The following USP34 variants were observed in gnomAD, a reference collection of about 807,000 sequenced individuals.
USP34 encodes the protein ubiquitin specific peptidase 34, also known as ubiquitin carboxyl-terminal hydrolase 34.
USP34 carries 70 observed loss-of-function variants against 460.3 expected under a neutral mutation model. That is an observed-to-expected ratio of 0.15 (90% confidence interval 0.13 to 0.19). USP34 has a LOEUF of 0.19. Ranked by LOEUF, USP34 falls within the 10% of genes least tolerant of loss-of-function variation. The pLI, the probability that USP34 is intolerant of heterozygous loss-of-function variation, is 1.00. For synonymous variants in USP34, 1,647 were observed against 1,405.3 expected (o/e 1.17, Z -3.85); for missense variants, 3,985 against 4,236.2 (o/e 0.94, Z 1.65).
rs70963432 is a variant in USP34, at chr2:61,451,220, C to CAAA, written c.43+19427_43+19429dup. Among the ~76,000 whole-genome samples the CAAA allele has an allele frequency of 8.3e-3, 421 of 50,752 alleles. 59 individuals are homozygous for CAAA. Among genetic ancestry groups the CAAA allele is most frequent in the African/African-American group, 0.04 (393 of 9,910 alleles). The allele number at this position is 50,752 out of a possible 152,430, so 33.3% of individuals were successfully genotyped here. ...CAGGTGACAGTGTGAGGCTTCATCTCAAAAAAAAAAAAAAAAAAAAAAAAA... is the reference window on the plus strand; with the variant it reads ...CAGGTGACAGTGTGAGGCTTCATCTCAAAAAAAAAAAAAAAAAAAAAAAAAAAA... On this transcript the variant is annotated intron_variant, in intron 1 of 79. Transcript: ENST00000398571.
chr2:61,299,905 A>C (rs1395599304), intron 29 of USP34, among the ~76,000 whole-genome samples: 1 of 152,164 alleles, frequency 6.6e-6, no homozygotes, highest in African/African-American at 2.4e-5. Flanking sequence ...GCATCTATCT[A>C]TCCTTCAGCT....
intron 1 of USP34, among the ~76,000 whole-genome samples, chr2:61,453,175 C>T (rs1283870665): frequency 6.6e-6 from 1 of 152,080 alleles, no homozygotes; most frequent in Non-Finnish European, 1.5e-5. Flanking sequence ...CTTAGGGAGG[C>T]CGAAGCGGGT....
intron 2 of USP34, among the ~76,000 whole-genome samples, chr2:61,419,059 G>A (rs746959913): frequency 6.6e-6 from 1 of 152,110 alleles, no homozygotes; most frequent in Non-Finnish European, 1.5e-5. Flanking sequence ...GACAGTAGTA[G>A]CTTTATTATT....
intron 10 of USP34, among the ~76,000 whole-genome samples, chr2:61,369,642 C>CAAAAAA (rs57947331): frequency 1.0e-3 from 44 of 43,410 alleles, no homozygotes; most frequent in African/African-American, 1.2e-3. Flanking sequence ...GATTCCGTCT[C>CAAAAAA]AAAAAAAAAA....
At chr2:61,465,871 G>A (rs1317211858) in intron 1 of USP34, among the ~76,000 whole-genome samples, 2 of 152,002 alleles carry the variant, frequency 1.3e-5, no homozygotes, top group Non-Finnish European at 2.9e-5. Flanking sequence ...CAGCTCCTCG[G>A]GAAGCTGAGT....
At chr2:61,269,477 A>G (rs1689150583) in intron 41 of USP34, among the ~76,000 whole-genome samples, 1 of 152,068 alleles carries the variant, frequency 6.6e-6, no homozygotes, top group South Asian at 2.1e-4. Flanking sequence ...GAGATGAATA[A>G]AAGTTGCTAC....
At chr2:61,384,128 C>G (rs1693062377) in intron 5 of USP34, among the ~76,000 whole-genome samples, 1 of 152,092 alleles carries the variant, frequency 6.6e-6, no homozygotes, top group Non-Finnish European at 1.5e-5. Flanking sequence ...CAGTCACACA[C>G]TGATTACAAT....
chr2:61,288,615 T>G, intron 34 of USP34, 62 bp downstream of exon 34: 1 of 1,533,922 alleles, frequency 6.5e-7, no homozygotes, highest in Non-Finnish European at 9.0e-7. Flanking sequence ...AGCATTAGCA[T>G]ATTTCTTCAG....
intron 39 of USP34, among the ~76,000 whole-genome samples, chr2:61,279,960 C>A (rs1689486073): frequency 6.6e-6 from 1 of 152,188 alleles, no homozygotes; most frequent in African/African-American, 2.4e-5. Context: ...TTAAAATCTA[C>A]ATTTCCCTTT....
chr2:61,300,840 A>T, intron 29 of USP34, 111 bp downstream of exon 29: 1 of 662,086 alleles, frequency 1.5e-6, no homozygotes, highest in Non-Finnish European at 2.2e-6. Flanking sequence ...AAAAAAGGAG[A>T]GAAAATTATT....
At chr2:61,223,877 T>C (rs975510100) in intron 62 of USP34, among the ~76,000 whole-genome samples, 1 of 152,142 alleles carries the variant, frequency 6.6e-6, no homozygotes, top group African/African-American at 2.4e-5. Context: ...AAAAACAGAA[T>C]AGTACAAGTA....
chr2:61,278,524 T>C, intron 39 of USP34, 81 bp from the exon 40 acceptor site: 2 of 1,101,498 alleles, frequency 1.8e-6, no homozygotes, highest in African/African-American at 1.6e-5. Flanking sequence ...ATCATTTCCT[T>C]ATAGGTAACA....
At chr2:61,195,960 A>G (rs957638727) in intron 75 of USP34, among the ~76,000 whole-genome samples, 27 of 150,788 alleles carry the variant, frequency 1.8e-4, no homozygotes, top group Admixed American at 3.3e-4. Flanking sequence ...ACGCTGGAGG[A>G]CAGTGGCACG....
chr2:61,380,334 C>T lies in USP34; in HGVS notation c.849G>A (p.Glu283=), dbSNP rs754366687. The T allele has an allele frequency of 3.2e-4, 516 of 1,610,564 alleles. 2 individuals are homozygous for T. The highest frequency in any genetic ancestry group is 3.3e-4 in the South Asian group (30 of 90,606). The change falls in exon 7 of 80, where the codon GAG becomes GAA. Residue 283 remains glutamate (E), a synonymous_variant. Transcript: ENST00000398571. ...TGTTACGAGCTGCACTCTGTCGTAA[C>T]TCCTGATCCGAGAGCTTGCATAAAT... is the stretch of plus-strand genomic sequence containing the variant. The part of the protein sequence containing the change: ...IRYLCKLSDQ[E]LRQSAARNMA...
chr2:61,220,237 G>A (rs1408179774), intron 67 of USP34, 73 bp downstream of exon 67: 1 of 1,329,094 alleles, frequency 7.5e-7, no homozygotes, highest in East Asian at 2.9e-5. Flanking sequence ...TGTCGTAGTT[G>A]CCTAAAAACA....
chr2:61,256,540 A>T, intron 47 of USP34, 62 bp from the exon 48 acceptor site: 1 of 1,301,076 alleles, frequency 7.7e-7, no homozygotes, highest in South Asian at 1.5e-5. Flanking sequence ...AATATACAAA[A>T]GGTGGCAATT....
At chr2:61,365,052 G>C (rs767381844) in intron 10 of USP34, among the ~76,000 whole-genome samples, 4 of 152,042 alleles carry the variant, frequency 2.6e-5, no homozygotes, top group Non-Finnish European at 2.9e-5. Flanking sequence ...AGGAGTTTGA[G>C]ACCAGCCTGA....
chr2:61,264,861 T>C (rs1432888389), intron 43 of USP34, among the ~76,000 whole-genome samples: 1 of 152,014 alleles, frequency 6.6e-6, no homozygotes, highest in Non-Finnish European at 1.5e-5. Context: ...TCATCTCTAT[T>C]TATTATTTTA....
chr2:61,389,549 T>C (rs1693279054), intron 5 of USP34, among the ~76,000 whole-genome samples: 1 of 152,132 alleles, frequency 6.6e-6, no homozygotes, highest in South Asian at 2.1e-4. Flanking sequence ...AATATTCCCA[T>C]TGTGATAAAT....
Sources: allele counts gnomAD v4.1 joint callset (sites outside exome capture counted in the v4.1 genomes callset), GRCh38; gene constraint gnomAD v4.1.1; transcripts MANE v1.5; gene names NCBI Gene and HGNC (gene_info 2026-07-23, HGNC 2026-07-21).